MREG: variants seen among roughly 807,000 people sequenced by gnomAD.
MREG encodes the protein melanoregulin.
Under a neutral mutation model 28.5 loss-of-function variants are expected in MREG, and 31 were observed. That is an observed-to-expected ratio of 1.09 (90% CI 0.82 to 1.47). MREG has a LOEUF of 1.47. MREG is among the 40% of genes most tolerant of loss of function. The probability of loss-of-function intolerance (pLI) is 0.00; values close to 1 mark genes in which losing one functional copy is unlikely to be tolerated. For missense variants in MREG, 256 were observed against 257.4 expected (o/e 0.99, Z 0.04); for synonymous variants, 106 against 95.2 (o/e 1.11, Z -0.66).
intron 2 of MREG, among the ~76,000 whole-genome samples, chr2:215,980,893 G>A (rs1410565650): frequency 1.3e-5 from 2 of 150,694 alleles, no homozygotes; most frequent in Non-Finnish European, 3.0e-5. Context: ...GGCAGGACAG[G>A]GCAGGGCAGG....
chr2:215,956,293 TAA>T (rs1574597567), intron 2 of MREG, among the ~76,000 whole-genome samples: 1 of 152,282 alleles, frequency 6.6e-6, no homozygotes, highest in East Asian at 1.9e-4. Context: ...TGTAAAGAGA[TAA>T]GAGTGGTACC....
At chr2:216,025,809 C>T (rs1212423393) in intron 1 of MREG, among the ~76,000 whole-genome samples, 2 of 152,218 alleles carry the variant, frequency 1.3e-5, no homozygotes, top group African/African-American at 4.8e-5. Context: ...CTCGGCAATC[C>T]CTGCACCGAA....
At chr2:215,997,981 C>A (rs189853081) in intron 1 of MREG, among the ~76,000 whole-genome samples, 5 of 152,232 alleles carry the variant, frequency 3.3e-5, no homozygotes, top group Admixed American at 2.6e-4. Flanking sequence ...TGATGAGGTA[C>A]AGGTCAGACT....
intron 2 of MREG, among the ~76,000 whole-genome samples, chr2:215,983,827 G>A (rs1044726956): frequency 6.6e-6 from 1 of 152,198 alleles, no homozygotes; most frequent in African/African-American, 2.4e-5. Flanking sequence ...CACATGTCAT[G>A]AGAGGTATAT....
upstream of MREG, among the ~76,000 whole-genome samples, chr2:216,015,154 C>CGTGTGCGCGCGCGCGT (rs1694422566): frequency 1.8e-5 from 1 of 55,874 alleles, no homozygotes; most frequent in African/African-American, 1.4e-4. Flanking sequence ...TGCGTGCGTA[C>CGTGTGCGCGCGCGCGT]GTGTGCGCGC....
At chr2:215,967,063 A>C (rs1692961669) in intron 2 of MREG, among the ~76,000 whole-genome samples, 1 of 152,202 alleles carries the variant, frequency 6.6e-6, no homozygotes, top group Admixed American at 6.5e-5. Context: ...CTTAAACTGA[A>C]GCAGTCCTGG....
At chr2:216,011,548 T>C (rs1694311162) in intron 1 of MREG, among the ~76,000 whole-genome samples, 1 of 152,234 alleles carries the variant, frequency 6.6e-6, no homozygotes. Context: ...GAGGCACAAA[T>C]AATTTTAATA....
At chr2:216,003,682 TC>T (rs1265833969) in intron 1 of MREG, among the ~76,000 whole-genome samples, 3 of 152,060 alleles carry the variant, frequency 2.0e-5, no homozygotes, top group Non-Finnish European at 4.4e-5. Flanking sequence ...GCTAAACCCA[TC>T]CACAGGCTCC....
At chr2:215,952,940 T>C (rs6706891) in intron 2 of MREG, among the ~76,000 whole-genome samples, 46,722 of 152,040 alleles carry the variant, frequency 0.31, 7,819 homozygotes, top group Non-Finnish European at 0.38. Context: ...TAACTTAGCT[T>C]TTCCTCTGTG....
chr2:216,002,002 C>G (rs1694025225), intron 1 of MREG, among the ~76,000 whole-genome samples: 1 of 152,182 alleles, frequency 6.6e-6, no homozygotes, highest in Admixed American at 6.5e-5. Context: ...TGGCGGGAAA[C>G]AGACCATAAG....
chr2:215,973,945 A>C (rs1391114218), intron 2 of MREG, among the ~76,000 whole-genome samples: 3 of 152,188 alleles, frequency 2.0e-5, no homozygotes, highest in African/African-American at 4.8e-5. Context: ...GCTGCAAAAC[A>C]TGTTTTTTAT....
rs1160474433 is a variant in MREG, at chr2:216,013,512, C to G, written c.-185G>C. The G allele has an allele frequency of 5.5e-6, 1 of 182,240 alleles. No homozygotes were observed. Among genetic ancestry groups the G allele is most frequent in the Non-Finnish European group, 1.1e-5 (1 of 88,240 alleles). 11.3% of individuals were successfully genotyped at this position (182,240 alleles called of 1,614,324 possible). A position where few individuals can be genotyped will look rare whatever the true frequency, so the allele number is the denominator to read the frequency against. On this transcript the variant is annotated 5_prime_UTR_variant, in exon 1 of 5. Coordinates refer to ENST00000263268, the MANE Select transcript of MREG (RefSeq NM_018000.3). ...ACGCGGGCGAGGGCTGCAGGCCGCG[C>G]GCCCTCCTCTCCTTGCGTTTTGTTT...
At chr2:216,017,331 T>G (rs1432155457), upstream of MREG, among the ~76,000 whole-genome samples, 1 of 152,170 alleles carries the variant, frequency 6.6e-6, no homozygotes, top group African/African-American at 2.4e-5. Context: ...TTTAGATCAG[T>G]TTTTCTTAGC....
At chr2:215,984,690 T>C (rs1693520105) in intron 2 of MREG, among the ~76,000 whole-genome samples, 1 of 151,934 alleles carries the variant, frequency 6.6e-6, no homozygotes, top group Non-Finnish European at 1.5e-5. Flanking sequence ...ATGAAATATT[T>C]TGGAGGTAAT....
At chr2:215,950,193 A>G (rs986401638) in intron 2 of MREG, among the ~76,000 whole-genome samples, 21 of 152,016 alleles carry the variant, frequency 1.4e-4, no homozygotes, top group Admixed American at 5.9e-4. Context: ...GTCTCTGACA[A>G]TTTTTTTTAG....
intron 2 of MREG, among the ~76,000 whole-genome samples, chr2:215,978,202 T>G (rs553807786): frequency 6.6e-6 from 1 of 152,098 alleles, no homozygotes; most frequent in South Asian, 2.1e-4. Context: ...AAAGGGGATA[T>G]CACCACCGAT....
chr2:215,984,343 T>C (rs546642528), intron 2 of MREG, among the ~76,000 whole-genome samples: 2 of 151,892 alleles, frequency 1.3e-5, no homozygotes, highest in African/African-American at 4.8e-5. Context: ...TCAGTTAGCA[T>C]ACATCTCCTT....
At position 215,944,926 on chromosome 2, in the gene MREG, A is replaced by G; in HGVS notation, c.582T>C (p.Pro194=). ...GGCCATCTGCCAGGCATGGAACCCCAGGCTTCTTGGGGTAAGTTCGACGAG... is the reference window on the plus strand; with the variant it reads ...GGCCATCTGCCAGGCATGGAACCCCGGGCTTCTTGGGGTAAGTTCGACGAG... ...KLARRTYPKK[P]GVPCLADGQK... is the part of the protein sequence containing the mutation. The change falls in exon 5 of 5, where the codon CCT becomes CCC. Residue 194 remains proline, a synonymous_variant. Coordinates refer to ENST00000263268, the MANE Select transcript of MREG (RefSeq NM_018000.3). 3 of 1,608,890 alleles carry G rather than the reference A, an allele frequency of 1.9e-6. No homozygotes were observed. The highest frequency in any genetic ancestry group is 2.6e-6 in the Non-Finnish European group (3 of 1,175,744).
At chr2:216,025,820 A>C (rs1185175364) in intron 1 of MREG, among the ~76,000 whole-genome samples, 3 of 152,226 alleles carry the variant, frequency 2.0e-5, no homozygotes, top group African/African-American at 7.2e-5. Flanking sequence ...CTGCACCGAA[A>C]TCCATCCGTG....
Sources: allele counts gnomAD v4.1 joint callset (sites outside exome capture counted in the v4.1 genomes callset), GRCh38; gene constraint gnomAD v4.1.1; transcripts MANE v1.5; gene names NCBI Gene and HGNC (gene_info 2026-07-23, HGNC 2026-07-21).